Variants in SLC26A4 observed in about 807,000 individuals in gnomAD.
SLC26A4 encodes pendrin.
In SLC26A4, 93 loss-of-function variants were observed where a neutral mutation model predicts 90.4. The ratio of observed to expected loss-of-function variants is 1.03; its 90% confidence interval spans 0.87 to 1.22. The LOEUF (loss-of-function observed/expected upper bound fraction) is 1.22, where lower values mean the gene tolerates loss of function less well. Ranked by LOEUF, SLC26A4 falls within the 50% of genes most tolerant of loss-of-function variation. The pLI is 0.00. For synonymous variants in SLC26A4, 393 were observed against 354.6 expected, an observed-to-expected ratio of 1.11 and a Z score of -1.22; for missense variants, 1,127 against 946.2, an observed-to-expected ratio of 1.19 and a Z score of -2.51.
chr7:107,675,861 C>T (rs1366801119), intron 6 of SLC26A4, among the ~76,000 whole-genome samples: 1 of 151,078 alleles, frequency 6.6e-6, no homozygotes, highest in Admixed American at 6.6e-5. Context: ...CGTGAGCCAC[C>T]GCGCCCGGCC....
At chr7:107,663,144 TA>T in intron 2 of SLC26A4, 151 bp from the exon 3 acceptor site, 1 of 875,444 alleles carries the variant, frequency 1.1e-6, no homozygotes, top group Non-Finnish European at 1.9e-6. Context: ...AAAAGCATGG[TA>T]AGCACTTCAG....
intron 10 of SLC26A4, 112 bp from the exon 11 acceptor site, chr7:107,694,291 A>G (rs931889708): frequency 2.5e-6 from 2 of 795,946 alleles, no homozygotes; most frequent in Non-Finnish European, 4.4e-6. Context: ...AGGGGGAGAC[A>G]GGGAAGTATG....
chr7:107,666,957 G>A (rs1034522818), intron 3 of SLC26A4, among the ~76,000 whole-genome samples: 28 of 152,194 alleles, frequency 1.8e-4, no homozygotes, highest in African/African-American at 6.5e-4. Flanking sequence ...TGCAAGATAG[G>A]AATATATTGT....
chr7:107,682,083 C>T (rs1290960884), intron 6 of SLC26A4, among the ~76,000 whole-genome samples: 3 of 138,340 alleles, frequency 2.2e-5, no homozygotes, highest in African/African-American at 8.4e-5. Context: ...GGCCACTGTA[C>T]TCCAGCCTGG....
chr7:107,690,929 C>A (rs1791549950), intron 10 of SLC26A4, among the ~76,000 whole-genome samples: 1 of 151,954 alleles, frequency 6.6e-6, no homozygotes, highest in Admixed American at 6.6e-5. Flanking sequence ...CTCTTTCCAG[C>A]AGGACACAGT....
Position 107,661,944 on chromosome 7 carries a change from G to A in SLC26A4, c.164+139G>A, listed in dbSNP as rs1045772145. 1 of 958,270 alleles carries A rather than the reference G, an allele frequency of 1.0e-6. No homozygotes were observed. Among genetic ancestry groups the A allele is most frequent in the Non-Finnish European group, 1.5e-6 (1 of 663,052 alleles). 59.4% of individuals were successfully genotyped at this position (958,270 alleles called of 1,614,324 possible). ...CGCCAGCTGCTTCTCCCAGAGGCCC[G>A]ACTTTCGGTCTCCGGTCCTCCACGC... On this transcript the variant is annotated intron_variant, in intron 2 of 20. Coordinates refer to ENST00000644269, the MANE Select transcript of SLC26A4 (RefSeq NM_000441.2). This position sits in a 1 kb window ranked among gnomAD's most constrained non-coding sequence, Gnocchi z 5.1.
chr7:107,666,650 A>G (rs1036641130), intron 3 of SLC26A4, among the ~76,000 whole-genome samples: 2 of 152,210 alleles, frequency 1.3e-5, no homozygotes, highest in Admixed American at 6.5e-5. Flanking sequence ...TGTACCAGGT[A>G]AAGGTGCAAA....
chr7:107,663,110 A>G (rs1168423604), intron 2 of SLC26A4, among the ~76,000 whole-genome samples, 186 bp from the exon 3 acceptor site: 2 of 152,216 alleles, frequency 1.3e-5, no homozygotes, highest in Non-Finnish European at 2.9e-5. Context: ...GAGTGCATTT[A>G]AAAGGATAGA....
intron 20 of SLC26A4, 88 bp from the exon 21 acceptor site, chr7:107,715,335 A>G: frequency 9.8e-7 from 1 of 1,022,560 alleles, no homozygotes. Context: ...AGCAATCAAT[A>G]CTATAAAAAC....
rs1347865665 is a variant in SLC26A4, at chr7:107,698,064, A to T, written c.1567A>T (p.Ser523Cys). The T allele has an allele frequency of 1.2e-6, 2 of 1,610,062 alleles. No homozygotes were observed. Among genetic ancestry groups the T allele is most frequent in the African/African-American group, 2.7e-5 (2 of 74,850 alleles). Residue 523 changes from serine (S) to cysteine (C), a missense_variant, in exon 14 of 21, where the codon AGC becomes TGC. Ser to Cys is a moderately radical substitution (Grantham distance 112, BLOSUM62 -1). Coordinates refer to ENST00000644269, the MANE Select transcript of SLC26A4 (RefSeq NM_000441.2). ...TAGTCCTTCTTGGAATGGCCTTGGA[A>T]GCATCCCTAGCACAGATATCTACAA... The part of the protein sequence containing the change: ...VQFPSWNGLG[S>C]IPSTDIYKST...
chr7:107,674,116 C>T (rs1790946297), intron 4 of SLC26A4, 48 bp from the exon 5 acceptor site: 4 of 1,538,410 alleles, frequency 2.6e-6, no homozygotes, highest in Non-Finnish European at 3.6e-6. Flanking sequence ...ACACATTGAA[C>T]ATTTGTGATT....
In SLC26A4 at chr7:107,690,187, A is replaced by G; in HGVS notation, c.1213A>G (p.Thr405Ala). 6.2e-7 allele frequency: 1 copy of G among 1,613,586 alleles called. No individual in the cohort carries two copies. The highest frequency in any genetic ancestry group is 8.5e-7 in the Non-Finnish European group (1 of 1,179,582). Residue 405 changes from threonine to alanine, a missense_variant, in exon 10 of 21, where the codon ACT (threonine) becomes GCT (alanine). By Grantham distance (58) the Thr-to-Ala change is moderately conservative. Coordinates refer to ENST00000644269, the MANE Select transcript of SLC26A4 (RefSeq NM_000441.2). The part of the protein sequence containing the change: ...SGFFSCFVAT[T>A]ALSRTAVQES... ...ATTCTTCTCTTGTTTTGTGGCCACC[A>G]CTGCTCTTTCCCGCACGGCCGTCCA...
chr7:107,681,747 A>G (rs1791235547), intron 6 of SLC26A4, among the ~76,000 whole-genome samples: 1 of 152,092 alleles, frequency 6.6e-6, no homozygotes. Context: ...TCCTATTTAC[A>G]AAACAAAACT....
At chr7:107,690,031 A>C in intron 9 of SLC26A4, 93 bp from the exon 10 acceptor site, 1 of 815,746 alleles carries the variant, frequency 1.2e-6, no homozygotes, top group East Asian at 2.4e-5. Flanking sequence ...TAGGCATGGG[A>C]GTTTTCATTC....
chr7:107,669,698 C>A (rs556435134), intron 3 of SLC26A4, among the ~76,000 whole-genome samples: 27 of 152,272 alleles, frequency 1.8e-4, no homozygotes, highest in African/African-American at 6.3e-4. Context: ...GGTGCATAAT[C>A]AACTGTTGTT....
At chr7:107,676,465 GC>G (rs1791026692) in intron 6 of SLC26A4, among the ~76,000 whole-genome samples, 1 of 152,180 alleles carries the variant, frequency 6.6e-6, no homozygotes, top group Admixed American at 6.5e-5. Context: ...GATTCACCAT[GC>G]AAAAGAAATG....
Position 107,715,740 on chromosome 7 carries a change from T to C in SLC26A4, c.*294T>C. ...TAATGTTCACGTGGGCCCTGGCATATCTCTGTTCAGTTAGAGTGAGTGCTG... is the reference window on the plus strand; with the variant it reads ...TAATGTTCACGTGGGCCCTGGCATACCTCTGTTCAGTTAGAGTGAGTGCTG... On this transcript the variant is annotated 3_prime_UTR_variant, in exon 21 of 21. Coordinates refer to ENST00000644269, the MANE Select transcript of SLC26A4 (RefSeq NM_000441.2). 2.1e-6 allele frequency: 1 copy of C among 478,980 alleles called. No individual in the cohort carries two copies. The highest frequency in any genetic ancestry group is 3.7e-5 in the East Asian group (1 of 27,066). 29.7% of individuals were successfully genotyped at this position (478,980 alleles called of 1,614,324 possible).
chr7:107,679,576 T>C (rs556959091), intron 6 of SLC26A4, among the ~76,000 whole-genome samples: 1 of 151,946 alleles, frequency 6.6e-6, no homozygotes, highest in South Asian at 2.1e-4. Context: ...ATTATCTAAA[T>C]GAAATTGTCC....
Position 107,674,954 on chromosome 7 carries a change from G to A in SLC26A4, c.610G>A (p.Gly204Ser), listed in dbSNP as rs1790980526. The change falls in exon 6 of 21, where the codon GGT becomes AGT. Residue 204 changes from glycine (G) to serine (S), a missense_variant. By Grantham distance (56) the Gly-to-Ser change is moderately conservative. Coordinates refer to ENST00000644269, the MANE Select transcript of SLC26A4 (RefSeq NM_000441.2). ...LLVGIIQLIF[G>S]GLQIGFIVRY... is the part of the protein sequence containing the mutation. ...CTTTTCCTTATCGTAGTTGATATTT[G>A]GTGGCTTGCAGATTGGATTCATAGT... 1 of 1,613,974 alleles carries A rather than the reference G, an allele frequency of 6.2e-7. No individual in the cohort carries two copies. The highest frequency in any genetic ancestry group is 1.1e-5 in the South Asian group (1 of 91,068).
Sources: allele counts gnomAD v4.1 joint callset (sites outside exome capture counted in the v4.1 genomes callset), GRCh38; gene constraint gnomAD v4.1.1; non-coding constraint Gnocchi (gnomAD v3.1); transcripts MANE v1.5; gene names NCBI Gene and HGNC (gene_info 2026-07-23, HGNC 2026-07-21).